The following FANCB variants were observed in gnomAD, a reference collection of about 807,000 sequenced individuals.
FANCB encodes FA complementation group B, also known as Fanconi anemia group B protein.
In FANCB, 5 loss-of-function variants were observed where a neutral mutation model predicts 38.9. The ratio of observed to expected loss-of-function variants is 0.13; its 90% confidence interval spans 0.07 to 0.27. The LOEUF is 0.27. FANCB is among the 10% of genes least tolerant of loss of function. The pLI is 1.00. For missense variants in FANCB, 573 were observed against 602.7 expected (o/e 0.95, Z 0.52); for synonymous variants, 236 against 215.4 (o/e 1.10, Z -0.84).
the FANCB span, among the ~76,000 whole-genome samples, chrX:14,812,296 G>A: frequency 9.1e-6 from 1 of 110,297 alleles, no homozygotes; most frequent in Admixed American, 9.7e-5. Flanking sequence ...CTAGCAGAAG[G>A]CAAGAAATAA....
At chrX:14,702,748 G>C in the FANCB span, among the ~76,000 whole-genome samples, 2 of 111,381 alleles carry the variant, frequency 1.8e-5, no homozygotes, top group Non-Finnish European at 3.8e-5. Flanking sequence ...CAAGGGATTG[G>C]GGGCCATATC....
chrX:14,798,887 T>C, the FANCB span, among the ~76,000 whole-genome samples: 7 of 111,836 alleles, frequency 6.3e-5, no homozygotes, highest in Non-Finnish European at 1.3e-4. Flanking sequence ...AAAAGGAAAC[T>C]GGTGAAATTG....
the FANCB span, among the ~76,000 whole-genome samples, chrX:14,780,445 ACT>A: frequency 5.4e-5 from 6 of 111,117 alleles, no homozygotes; most frequent in East Asian, 2.8e-4. Context: ...TCAAGTAGAA[ACT>A]CTGTTAAACT....
chrX:14,730,493 C>G, the FANCB span: 2 of 1,178,118 alleles, frequency 1.7e-6, no homozygotes, highest in Non-Finnish European at 2.3e-6. Flanking sequence ...TAGATGTGCC[C>G]TACAGACCCT....
rs189653858 is a variant in FANCB, at chrX:14,856,905, A to G, written c.1197+957T>C. 7.5e-3 allele frequency among the ~76,000 whole-genome samples: 846 copies of G among 112,417 alleles called. 2 individuals are homozygous for G. Among genetic ancestry groups the G allele is most frequent in the Non-Finnish European group, 0.014 (723 of 53,222 alleles). On this transcript the variant is annotated intron_variant, in intron 5 of 9. Transcript: ENST00000650831. ...TTATAAAAACATTTTTGTGATAACTAAATATATTTGAATATGGACAAGATA... is the reference window on the plus strand; with the variant it reads ...TTATAAAAACATTTTTGTGATAACTGAATATATTTGAATATGGACAAGATA...
At chrX:14,868,365 T>C (rs1468336798) in intron 2 of FANCB, among the ~76,000 whole-genome samples, 1 of 111,935 alleles carries the variant, frequency 8.9e-6, no homozygotes, top group Non-Finnish European at 1.9e-5. Context: ...TTTTGGTGCA[T>C]AGCGTGGAAT....
chrX:14,783,253 C>T, the FANCB span, among the ~76,000 whole-genome samples: 1 of 112,305 alleles, frequency 8.9e-6, no homozygotes, highest in East Asian at 2.8e-4. Context: ...CTTGCTGAAT[C>T]ACAGTATCAG....
At chrX:14,744,562 G>T in the FANCB span, among the ~76,000 whole-genome samples, 1 of 111,751 alleles carries the variant, frequency 8.9e-6, no homozygotes, top group East Asian at 2.8e-4. Flanking sequence ...AAGAGAGAAT[G>T]GCTGTAGGAG....
At chrX:14,743,486 T>C in the FANCB span, among the ~76,000 whole-genome samples, 2 of 111,213 alleles carry the variant, frequency 1.8e-5, no homozygotes, top group Admixed American at 1.9e-4. Context: ...AAATAAATTA[T>C]TATGATGGAA....
intron 1 of FANCB, among the ~76,000 whole-genome samples, chrX:14,871,955 G>C (rs2092500062): frequency 9.1e-6 from 1 of 110,480 alleles, no homozygotes; most frequent in Non-Finnish European, 1.9e-5. Flanking sequence ...GAGAAACTGA[G>C]GCAAGGAGTT....
chrX:14,794,082 G>A, the FANCB span, among the ~76,000 whole-genome samples: 1 of 111,811 alleles, frequency 8.9e-6, no homozygotes, highest in Non-Finnish European at 1.9e-5. Flanking sequence ...TGTTACAAAT[G>A]TGTCTTGTAT....
the FANCB span, among the ~76,000 whole-genome samples, chrX:14,791,651 C>G: frequency 2.7e-5 from 3 of 112,094 alleles, no homozygotes; most frequent in Non-Finnish European, 5.6e-5. Flanking sequence ...CTAAAGACAT[C>G]TGCTACAGAG....
At chrX:14,842,980 G>A, downstream of FANCB, among the ~76,000 whole-genome samples, 1 of 111,754 alleles carries the variant, frequency 8.9e-6, no homozygotes. Flanking sequence ...ATTTCTGTAG[G>A]AGAAATACTG....
At chrX:14,722,631 C>T in the FANCB span, among the ~76,000 whole-genome samples, 10 of 111,524 alleles carry the variant, frequency 9.0e-5, no homozygotes, top group South Asian at 3.4e-3. Context: ...CTTTGGCAAA[C>T]ACAATATAAT....
chrX:14,790,589 A>G, the FANCB span, among the ~76,000 whole-genome samples: 1 of 112,178 alleles, frequency 8.9e-6, no homozygotes, highest in African/African-American at 3.2e-5. Context: ...CTCATATTTC[A>G]TATCATAACT....
chrX:14,849,944 C>A (rs1381713048), intron 7 of FANCB, among the ~76,000 whole-genome samples: 1 of 112,029 alleles, frequency 8.9e-6, no homozygotes, highest in Admixed American at 9.4e-5. Context: ...AAAATACACA[C>A]CAAATTTTTA....
At chrX:14,780,720 T>C in the FANCB span, among the ~76,000 whole-genome samples, 1 of 110,531 alleles carries the variant, frequency 9.0e-6, no homozygotes, top group South Asian at 3.7e-4. Flanking sequence ...ACACAAATAA[T>C]GGGTATGTCT....
chrX:14,865,610 G>A, intron 2 of FANCB, 30 bp from the exon 3 acceptor site: 1 of 621,527 alleles, frequency 1.6e-6, no homozygotes, highest in Non-Finnish European at 2.6e-6. Context: ...AAACTGCCAT[G>A]AAGTAGGAAG....
At chrX:14,702,444 A>C in the FANCB span, among the ~76,000 whole-genome samples, 3 of 111,957 alleles carry the variant, frequency 2.7e-5, no homozygotes, top group Non-Finnish European at 5.6e-5. Flanking sequence ...CATTATTACT[A>C]TTTTGGTTTG....
Sources: gnomAD v4.1 joint callset for allele counts (sites outside exome capture counted in the v4.1 genomes callset) on GRCh38, gnomAD v4.1.1 for gene constraint, MANE v1.5 for transcripts, NCBI Gene and HGNC (gene_info 2026-07-23, HGNC 2026-07-21) for gene names.